The following LRP6 variants were observed in gnomAD, a reference collection of about 807,000 sequenced individuals.
LRP6 encodes the protein LDL receptor related protein 6, also known as low-density lipoprotein receptor-related protein 6.
In LRP6, 43 loss-of-function variants were observed where a neutral mutation model predicts 184.1. The observed-to-expected ratio is 0.23, with a 90% CI of 0.18 to 0.30. The LOEUF is 0.30. Ranked by LOEUF, LRP6 falls within the 10% of genes least tolerant of loss-of-function variation. The pLI is 1.00. For synonymous variants in LRP6, 719 were observed against 684.9 expected (o/e 1.05, Z -0.78); for missense variants, 1,571 against 2,005.3 (o/e 0.78, Z 4.14).
rs1862698809 is a variant in LRP6 at position 12,159,915 on chromosome 12, C to G, written c.2329G>C (p.Ala777Pro). ...GTAGTACGTTCACTTCCATCCATTG[C>G]AGCTCTGTCTATCTTAGGTTTTCCA... ...WGGKPKIDRAAMDGSERTTLV... is the reference protein window; with the variant it reads ...WGGKPKIDRAPMDGSERTTLV... The change falls in exon 11 of 23, where the codon GCA (alanine) becomes CCA (proline). Residue 777 changes from alanine to proline, a missense_variant. Around this residue, in one of 4 missense-constraint regions of LRP6, gnomAD observed 158 missense variants for 258.4 expected, o/e 0.61. Coordinates refer to ENST00000261349, the MANE Select transcript of LRP6 (RefSeq NM_002336.3). The G allele has an allele frequency of 3.1e-6, 5 of 1,613,866 alleles. No homozygotes were observed. Among genetic ancestry groups the G allele is most frequent in the Non-Finnish European group, 4.2e-6 (5 of 1,179,938 alleles).
chr12:12,222,618 A>G (rs910804924), intron 2 of LRP6, among the ~76,000 whole-genome samples: 1 of 151,740 alleles, frequency 6.6e-6, no homozygotes, highest in African/African-American at 2.4e-5. Context: ...CTTGCGGGGG[A>G]AATATTCCAA....
Position 12,176,741 on chromosome 12 carries a change from T to C in LRP6, c.1545+3069A>G, listed in dbSNP as rs370620700. 2.9e-4 allele frequency among the ~76,000 whole-genome samples: 44 copies of C among 152,192 alleles called. No individual in the cohort carries two copies. The East Asian group carries it at 2.9e-3, about 10-fold the overall frequency. ...TCCCATGTGATCCACTCAAGACACA[T>C]AGGTTTACTATGTCTTACCTTGCTA... On this transcript the variant is annotated intron_variant, in intron 7 of 22. Transcript: ENST00000261349.
At chr12:12,224,555 T>A (rs1175548014) in intron 2 of LRP6, among the ~76,000 whole-genome samples, 5 of 152,158 alleles carry the variant, frequency 3.3e-5, no homozygotes, top group Admixed American at 2.6e-4. Context: ...AGATTTCATA[T>A]CCTTATTTTA....
At chr12:12,202,735 A>C (rs1168954982) in intron 3 of LRP6, among the ~76,000 whole-genome samples, 2 of 152,182 alleles carry the variant, frequency 1.3e-5, no homozygotes, top group African/African-American at 4.8e-5. Flanking sequence ...AGTTTTATCA[A>C]AGTTCCATTA....
At chr12:12,180,339 T>C (rs76340520) in intron 6 of LRP6, among the ~76,000 whole-genome samples, 1,688 of 151,704 alleles carry the variant, frequency 0.011, 33 homozygotes, top group African/African-American at 0.038. Context: ...CACAAAAGGC[T>C]TATCCCAGCA....
Position 12,184,005 on chromosome 12 carries a change from C to T in LRP6, c.951G>A (p.Leu317=). Residue 317 remains leucine (L), a synonymous_variant, in exon 5 of 23, where the codon CTG becomes CTA. Coordinates refer to ENST00000261349, the MANE Select transcript of LRP6 (RefSeq NM_002336.3). ...CATCTTTGCAGGTTTTTCCATTCTC[C>T]AGGAGTTTGACCCCAGTGGGGCAAG... ...QCACPTGVKL[L]ENGKTCKDGA... is the part of the protein sequence containing the mutation. 1.2e-6 allele frequency: 2 copies of T among 1,613,660 alleles called. No individual in the cohort carries two copies. Among genetic ancestry groups the T allele is most frequent in the Non-Finnish European group, 1.7e-6 (2 of 1,179,630 alleles).
At chr12:12,187,214 T>A in intron 3 of LRP6, 95 bp from the exon 4 acceptor site, 3 of 998,780 alleles carry the variant, frequency 3.0e-6, no homozygotes, top group Non-Finnish European at 4.7e-6. Context: ...TAGTTCACAT[T>A]AACACATACA....
At chr12:12,163,668 G>A (rs16907789) in intron 9 of LRP6, among the ~76,000 whole-genome samples, 1 of 151,958 alleles carries the variant, frequency 6.6e-6, no homozygotes, top group Non-Finnish European at 1.5e-5. Context: ...GCCATTTTAC[G>A]TGAAGCACAC....
chr12:12,158,473 A>T lies in LRP6; in HGVS notation c.2791+356T>A, dbSNP rs564649936. On this transcript the variant is annotated intron_variant, in intron 12 of 22. Coordinates refer to ENST00000261349, the MANE Select transcript of LRP6 (RefSeq NM_002336.3). ...CCTGAGTAGGTGGGACTACAAATGC[A>T]CACCATTACTCTGGCTAATTTTTTT... is the stretch of plus-strand genomic sequence containing the variant. Among the ~76,000 whole-genome samples, 3 of 152,174 alleles carry T rather than the reference A, an allele frequency of 2.0e-5. No individual in the cohort carries two copies. The South Asian group carries it at 6.2e-4, about 32-fold the overall frequency.
intron 11 of LRP6, among the ~76,000 whole-genome samples, chr12:12,159,398 T>C (rs11054714): frequency 6.6e-6 from 1 of 152,216 alleles, no homozygotes; most frequent in Admixed American, 6.5e-5. Flanking sequence ...CTCAGTTTCC[T>C]AAAATTCTTG....
At chr12:12,161,132 T>C (rs1384929035) in intron 10 of LRP6, among the ~76,000 whole-genome samples, 1 of 152,248 alleles carries the variant, frequency 6.6e-6, no homozygotes. Context: ...TGGCAGCTAA[T>C]GTTTAGAGCA....
chr12:12,224,110 T>C (rs1864554971), intron 2 of LRP6, among the ~76,000 whole-genome samples: 1 of 152,202 alleles, frequency 6.6e-6, no homozygotes, highest in Non-Finnish European at 1.5e-5. Flanking sequence ...GGTTGTTTTA[T>C]ACATCTCTAA....
chr12:12,266,571 GCTCCTCTCCCCTTCTCCCTTCCTCCGTCC>G (rs1370137983), intron 1 of LRP6, 81 bp downstream of exon 1: 8 of 603,904 alleles, frequency 1.3e-5, no homozygotes, highest in East Asian at 1.0e-4. Flanking sequence ...GCCTCTCCCC[GCTCCTCTCCCCTTCTCCCTTCCTCCGTCC>G]CTCCCCTCCC....
At chr12:12,139,368 T>C (rs1033345368) in intron 15 of LRP6, among the ~76,000 whole-genome samples, 2 of 152,120 alleles carry the variant, frequency 1.3e-5, no homozygotes, top group African/African-American at 2.4e-5. Flanking sequence ...AACATTCAGA[T>C]GGTAGGCTAA....
intron 3 of LRP6, among the ~76,000 whole-genome samples, chr12:12,195,074 A>T (rs1863716366): frequency 6.6e-6 from 1 of 152,086 alleles, no homozygotes; most frequent in African/African-American, 2.4e-5. Context: ...TTGTGTATAT[A>T]TACCACATTT....
chr12:12,215,620 G>A (rs915702983), intron 2 of LRP6, among the ~76,000 whole-genome samples: 4 of 151,668 alleles, frequency 2.6e-5, no homozygotes, highest in African/African-American at 9.7e-5. Flanking sequence ...CAAAGTGCTG[G>A]GATTACAGGC....
At chr12:12,204,328 TG>T (rs975174767) in intron 2 of LRP6, among the ~76,000 whole-genome samples, 10 of 146,896 alleles carry the variant, frequency 6.8e-5, no homozygotes, top group Admixed American at 6.1e-4. Context: ...CAATCTAGAC[TG>T]GAGGAGAGCA....
At chr12:12,249,353 G>A (rs1865266106) in intron 1 of LRP6, 1 of 1,106,540 alleles carries the variant, frequency 9.0e-7, no homozygotes, top group African/African-American at 1.5e-5. Context: ...TGTCCTGCAA[G>A]AGCTTTGGCG....
chr12:12,208,928 T>G (rs142606251), intron 2 of LRP6, among the ~76,000 whole-genome samples: 205 of 152,306 alleles, frequency 1.3e-3, no homozygotes, highest in African/African-American at 4.7e-3. Flanking sequence ...AGTAATACAG[T>G]TAAAAACAAG....
Sources: allele counts gnomAD v4.1 joint callset (sites outside exome capture counted in the v4.1 genomes callset), GRCh38; gene constraint gnomAD v4.1.1; regional missense constraint gnomAD v4.1.1; transcripts MANE v1.5; gene names NCBI Gene and HGNC (gene_info 2026-07-23, HGNC 2026-07-21).